The following CNTLN variants were observed in gnomAD, a reference collection of about 807,000 sequenced individuals.
The protein encoded by CNTLN is centlein, centrosomal protein.
Under a neutral mutation model 180.0 loss-of-function variants are expected in CNTLN, and 212 were observed. The observed-to-expected ratio is 1.18, with a 90% confidence interval of 1.05 to 1.32. CNTLN has a LOEUF of 1.32. CNTLN is among the 40% of genes most tolerant of loss of function. The pLI, the probability that CNTLN is intolerant of heterozygous loss-of-function variation, is 0.00. For missense variants in CNTLN, 2,095 were observed against 1,610.9 expected, an observed-to-expected ratio of 1.30 and a Z score of -5.14; for synonymous variants, 722 against 563.1, an observed-to-expected ratio of 1.28 and a Z score of -3.99.
intron 9 of CNTLN, among the ~76,000 whole-genome samples, 191 bp from the exon 10 acceptor site, chr9:17,332,414 G>A (rs1820703850): frequency 1.3e-5 from 2 of 151,682 alleles, no homozygotes; most frequent in South Asian, 4.1e-4. Flanking sequence ...TCTCATTAAC[G>A]AGTCACAGAG....
intron 8 of CNTLN, among the ~76,000 whole-genome samples, chr9:17,315,884 T>A (rs946396980): frequency 9.2e-5 from 14 of 152,018 alleles, no homozygotes; most frequent in Admixed American, 5.9e-4. Context: ...TTTCTCTACC[T>A]ATTCTATCAA....
At chr9:17,389,362 A>G (rs1468779663) in intron 14 of CNTLN, among the ~76,000 whole-genome samples, 2 of 152,110 alleles carry the variant, frequency 1.3e-5, no homozygotes, top group African/African-American at 2.4e-5. Context: ...TTTCAGAACA[A>G]TATTTTTATT....
intron 5 of CNTLN, among the ~76,000 whole-genome samples, chr9:17,262,019 T>C (rs868273354): frequency 6.6e-6 from 1 of 151,498 alleles, no homozygotes; most frequent in African/African-American, 2.4e-5. Flanking sequence ...TCAAAACCAC[T>C]ATGAGATACC....
chr9:17,426,014 G>A lies in CNTLN; in HGVS notation c.3114+9825G>A, dbSNP rs770393423. ...TTTTGAAGAGAACATTAAGAGTGTG[G>A]CTGTACAATCATTTGATGAGGAGAT... On this transcript the variant is annotated intron_variant, in intron 18 of 25. Coordinates refer to ENST00000380647, the MANE Select transcript of CNTLN (RefSeq NM_017738.4). Among the ~76,000 whole-genome samples, 149 of 152,278 alleles carry A rather than the reference G, an allele frequency of 9.8e-4. 1 individual carries two copies. Among genetic ancestry groups the A allele is most frequent in the Non-Finnish European group, 9.6e-4 (65 of 68,024 alleles).
intron 8 of CNTLN, among the ~76,000 whole-genome samples, chr9:17,320,309 A>G (rs982036495): frequency 6.6e-6 from 1 of 152,188 alleles, no homozygotes; most frequent in African/African-American, 2.4e-5. Flanking sequence ...CCTCTAGAAG[A>G]ATAAATGTAA....
At chr9:17,502,282 T>C (rs1833790327) in intron 25 of CNTLN, among the ~76,000 whole-genome samples, 1 of 152,214 alleles carries the variant, frequency 6.6e-6, no homozygotes, top group African/African-American at 2.4e-5. Context: ...TATTGCAGAT[T>C]ACATCATTAA....
chr9:17,415,729 A>G, intron 16 of CNTLN, 59 bp from the exon 17 acceptor site: 1 of 1,005,824 alleles, frequency 9.9e-7, no homozygotes. Context: ...TATTTATATC[A>G]GTTCACTTGA....
chr9:17,376,902 A>G (rs977675510), intron 13 of CNTLN, among the ~76,000 whole-genome samples: 4 of 152,220 alleles, frequency 2.6e-5, no homozygotes, highest in African/African-American at 9.6e-5. Flanking sequence ...AGGTAAATGA[A>G]CTGTAAACTT....
intron 15 of CNTLN, among the ~76,000 whole-genome samples, chr9:17,405,910 G>A (rs997151215): frequency 6.6e-6 from 1 of 151,592 alleles, no homozygotes; most frequent in Non-Finnish European, 1.5e-5. Context: ...AGAGTAGCTG[G>A]GATTACAGGC....
At chr9:17,321,997 A>T (rs542938554) in intron 8 of CNTLN, among the ~76,000 whole-genome samples, 1 of 152,208 alleles carries the variant, frequency 6.6e-6, no homozygotes, top group East Asian at 1.9e-4. Flanking sequence ...ATACTTAATT[A>T]GTTTCGAGTT....
At chr9:17,367,842 C>G (rs1823959489) in intron 13 of CNTLN, among the ~76,000 whole-genome samples, 1 of 148,306 alleles carries the variant, frequency 6.7e-6, no homozygotes, top group Non-Finnish European at 1.5e-5. Flanking sequence ...TAACCAGCAG[C>G]AATACCCAGA....
rs1332591080 is a variant in CNTLN, at chr9:17,394,849, C to T, written c.2395C>T (p.His799Tyr). The T allele has an allele frequency of 1.2e-6, 2 of 1,613,946 alleles. No individual in the cohort carries two copies. Among genetic ancestry groups the T allele is most frequent in the South Asian group, 1.1e-5 (1 of 91,068 alleles). Residue 799 changes from histidine to tyrosine, a missense_variant, in exon 15 of 26, where the codon CAC becomes TAC. His to Tyr is a moderately conservative substitution (Grantham distance 83). Coordinates refer to ENST00000380647, the MANE Select transcript of CNTLN (RefSeq NM_017738.4). The part of the protein sequence containing the change: ...EELINPMEKS[H>Y]QSADRAKSEM... ...GCTGATCAACCCAATGGAGAAATCA[C>T]ACCAGTCAGCAGACAGAGCTAAATC...
At chr9:17,434,138 T>G (rs1047803992) in intron 18 of CNTLN, among the ~76,000 whole-genome samples, 4 of 152,180 alleles carry the variant, frequency 2.6e-5, no homozygotes, top group Non-Finnish European at 5.9e-5. Flanking sequence ...TGTCTTCTTT[T>G]TATTTTTCTT....
intron 5 of CNTLN, among the ~76,000 whole-genome samples, chr9:17,252,286 G>A (rs10810740): frequency 6.6e-6 from 1 of 151,364 alleles, no homozygotes; most frequent in South Asian, 2.1e-4. Flanking sequence ...TGTATGGTAG[G>A]TCTGTTTGTT....
intron 3 of CNTLN, among the ~76,000 whole-genome samples, chr9:17,235,107 G>A (rs1289530941): frequency 6.6e-6 from 1 of 152,088 alleles, no homozygotes; most frequent in Non-Finnish European, 1.5e-5. Context: ...CACCTCGTAG[G>A]TGTAATTTAG....
At chr9:17,143,465 C>G (rs12004921) in intron 2 of CNTLN, 89 bp downstream of exon 2, 61,708 of 894,420 alleles carry the variant, frequency 0.069, 2,736 homozygotes, top group South Asian at 0.15. Context: ...CATTAATCTC[C>G]TAAAGAGATT....
At chr9:17,408,698 T>A (rs1008702730) in intron 15 of CNTLN, among the ~76,000 whole-genome samples, 36 of 151,546 alleles carry the variant, frequency 2.4e-4, no homozygotes, top group African/African-American at 8.2e-4. Flanking sequence ...CTACTTGGGA[T>A]GCTGAGTCAG....
chr9:17,448,962 A>G (rs757400906), intron 18 of CNTLN, among the ~76,000 whole-genome samples: 4 of 152,184 alleles, frequency 2.6e-5, no homozygotes, highest in Non-Finnish European at 4.4e-5. Flanking sequence ...CTCCTTTAGG[A>G]CATCAAATAG....
chr9:17,450,592 A>G lies in CNTLN; in HGVS notation c.3115-6932A>G, dbSNP rs542879733. On this transcript the variant is annotated intron_variant, in intron 18 of 25. Coordinates refer to ENST00000380647, the MANE Select transcript of CNTLN (RefSeq NM_017738.4). ...AAAGAGGATTAATCTACCATTGGCC[A>G]ATTAGCCAAAAGGTACTTAATGGTC... is the stretch of plus-strand genomic sequence containing the variant. 3.3e-5 allele frequency among the ~76,000 whole-genome samples: 5 copies of G among 152,342 alleles called. No homozygotes were observed. The East Asian group carries it at 9.7e-4, about 29-fold the overall frequency.
Sources: allele counts gnomAD v4.1 joint callset (sites outside exome capture counted in the v4.1 genomes callset), GRCh38; gene constraint gnomAD v4.1.1; transcripts MANE v1.5; gene names NCBI Gene and HGNC (gene_info 2026-07-23, HGNC 2026-07-21).